Variants in VTCN1 observed in about 807,000 individuals in gnomAD.
VTCN1 encodes the protein V-set domain containing T cell activation inhibitor 1.
Under a neutral mutation model 26.5 loss-of-function variants are expected in VTCN1, and 26 were observed. The ratio of observed to expected loss-of-function variants is 0.98; its 90% CI spans 0.72 to 1.36. VTCN1 has a LOEUF of 1.36. Ranked by LOEUF, VTCN1 falls within the 40% of genes most tolerant of loss-of-function variation. VTCN1 has a pLI of 0.00. For synonymous variants in VTCN1, 116 were observed against 130.7 expected (o/e 0.89, Z 0.77); for missense variants, 298 against 337.7 (o/e 0.88, Z 0.92).
chr1:117,205,177 G>GAGA (rs1206213240), intron 1 of VTCN1, among the ~76,000 whole-genome samples: 5 of 148,006 alleles, frequency 3.4e-5, no homozygotes, highest in South Asian at 2.1e-4. Flanking sequence ...GAGAGAGAGA[G>GAGA]GGGGGTCTCG....
At chr1:117,193,267 T>C (rs1466279474) in intron 1 of VTCN1, among the ~76,000 whole-genome samples, 1 of 152,160 alleles carries the variant, frequency 6.6e-6, no homozygotes, top group Admixed American at 6.5e-5. Flanking sequence ...CAATAACTAC[T>C]TTAAATGTAA....
chr1:117,187,337 GC>G (rs1647998429), intron 1 of VTCN1, among the ~76,000 whole-genome samples: 1 of 138,806 alleles, frequency 7.2e-6, no homozygotes, highest in Non-Finnish European at 1.5e-5. Flanking sequence ...AAAAAAAGGA[GC>G]TTTTTCCTAC....
chr1:117,172,566 G>A (rs1652976652), intron 1 of VTCN1: 1 of 466,190 alleles, frequency 2.1e-6, no homozygotes, highest in South Asian at 1.5e-5. Context: ...ATACTTCATC[G>A]CTCTGAGGCT....
Position 117,146,673 on chromosome 1 carries a change from G to T in VTCN1, c.*45+940C>A, listed in dbSNP as rs766577198. ...AAAGTAATGGTAGTTAGCAGGTAGT[G>T]GTAGGCAGCAGTAGTGGTAGGTAGT... is the stretch of plus-strand genomic sequence containing the variant. On this transcript the variant is annotated intron_variant, in intron 5 of 5. Transcript: ENST00000369458. This position sits in a 1 kb window ranked among gnomAD's most constrained non-coding sequence, Gnocchi z 4.2. Among the ~76,000 whole-genome samples, 1 of 152,184 alleles carries T rather than the reference G, an allele frequency of 6.6e-6. No homozygotes were observed. The highest frequency in any genetic ancestry group is 2.4e-5 in the African/African-American group (1 of 41,452).
Position 117,175,233 on chromosome 1 carries a change from G to A in VTCN1, c.33-5062C>T, listed in dbSNP as rs187181347. On this transcript the variant is annotated intron_variant, in intron 1 of 5. Coordinates refer to ENST00000369458, the MANE Select transcript of VTCN1 (RefSeq NM_024626.4). This position sits in a 1 kb window ranked among gnomAD's most constrained non-coding sequence, Gnocchi z 4.2. Reference sequence around the variant, plus strand: ...AAGGCAGAGCGCTCGAAACCTATGCGACTTTGTAATTAGTCTACTAACAGA... The same window carrying A: ...AAGGCAGAGCGCTCGAAACCTATGCAACTTTGTAATTAGTCTACTAACAGA... 1.6e-3 allele frequency among the ~76,000 whole-genome samples: 241 copies of A among 152,310 alleles called. 1 individual carries two copies. Among genetic ancestry groups the A allele is most frequent in the Non-Finnish European group, 2.6e-3 (175 of 68,022 alleles).
intron 1 of VTCN1, among the ~76,000 whole-genome samples, chr1:117,191,994 C>T (rs1229565826): frequency 6.7e-6 from 1 of 148,870 alleles, no homozygotes; most frequent in African/African-American, 2.5e-5. Context: ...TTGAAAATTT[C>T]CCAATTCTTA....
At position 117,183,905 on chromosome 1, in the gene VTCN1, C is replaced by A. The variant is rs1250589870; in HGVS notation, c.33-13734G>T. 6.6e-6 allele frequency among the ~76,000 whole-genome samples: 1 copy of A among 152,102 alleles called. No homozygotes were observed. Among genetic ancestry groups the A allele is most frequent in the Non-Finnish European group, 1.5e-5 (1 of 68,022 alleles). On this transcript the variant is annotated intron_variant, in intron 1 of 5. Transcript: ENST00000369458. This position sits in a 1 kb window ranked among gnomAD's most constrained non-coding sequence, Gnocchi z 4.1. ...ATGAAACCAGCACATGAGTCCAGAT[C>A]AGTAAGAGAGTGCTGGGCGCAATGG...
At chr1:117,187,326 A>AG (rs1647996116) in intron 1 of VTCN1, among the ~76,000 whole-genome samples, 2 of 151,298 alleles carry the variant, frequency 1.3e-5, no homozygotes, top group South Asian at 4.2e-4. Flanking sequence ...AAAAAAAAAA[A>AG]AAAAAAAGGA....
chr1:117,174,297 A>C (rs1653084010), intron 1 of VTCN1, among the ~76,000 whole-genome samples: 1 of 152,246 alleles, frequency 6.6e-6, no homozygotes, highest in African/African-American at 2.4e-5. Flanking sequence ...TTGCTCATTC[A>C]GTAAACATTT....
intron 1 of VTCN1, among the ~76,000 whole-genome samples, chr1:117,207,939 A>G (rs1235593211): frequency 6.6e-6 from 1 of 152,070 alleles, no homozygotes; most frequent in African/African-American, 2.4e-5. Context: ...TCTGACCACA[A>G]CTGTTTCCCA....
chr1:117,171,060 G>A (rs1267866225), intron 1 of VTCN1, among the ~76,000 whole-genome samples: 2 of 149,700 alleles, frequency 1.3e-5, no homozygotes, highest in African/African-American at 2.5e-5. Context: ...GTATCCATGT[G>A]TTCTCATTGT....
chr1:117,170,886 C>T (rs138808925), intron 1 of VTCN1, among the ~76,000 whole-genome samples: 2,052 of 152,132 alleles, frequency 0.013, 51 homozygotes, highest in African/African-American at 0.048. Context: ...ATGTGCAGAA[C>T]GTGCAGGTTC....
chr1:117,166,697 C>T (rs1254087101), intron 2 of VTCN1, among the ~76,000 whole-genome samples: 2 of 148,972 alleles, frequency 1.3e-5, no homozygotes, highest in East Asian at 2.0e-4. Flanking sequence ...AGAGTTAAGC[C>T]TTAGTGAGGA....
Position 117,204,662 on chromosome 1 carries a change from G to T in VTCN1, c.32+6162C>A, listed in dbSNP as rs181714632. On this transcript the variant is annotated intron_variant, in intron 1 of 5. Transcript: ENST00000369458. ...TGGGTGGATCATGAGGTCAGGAGAT[G>T]GAGACCATCCTGGCTAACACGGTGA... 4.4e-3 allele frequency among the ~76,000 whole-genome samples: 663 copies of T among 151,994 alleles called. 7 individuals are homozygous for T. Among genetic ancestry groups the T allele is most frequent in the African/African-American group, 0.015 (637 of 41,444 alleles).
chr1:117,156,481 A>G, intron 3 of VTCN1, 93 bp downstream of exon 3: 1 of 1,313,514 alleles, frequency 7.6e-7, no homozygotes, highest in South Asian at 1.5e-5. Context: ...TCATTGTCTG[A>G]TATTGGTCAC....
intron 1 of VTCN1, among the ~76,000 whole-genome samples, chr1:117,172,962 C>T (rs958316168): frequency 6.6e-6 from 1 of 152,194 alleles, no homozygotes; most frequent in Non-Finnish European, 1.5e-5. Flanking sequence ...GCAAACTCCT[C>T]CGGTCCCCTT....
At chr1:117,163,068 G>A (rs1451593938) in intron 2 of VTCN1, among the ~76,000 whole-genome samples, 1 of 152,226 alleles carries the variant, frequency 6.6e-6, no homozygotes, top group African/African-American at 2.4e-5. Flanking sequence ...AGGTCGAAAT[G>A]CAAAGCTTAA....
At position 117,175,264 on chromosome 1, in the gene VTCN1, T is replaced by G. The variant is rs1375700102; in HGVS notation, c.33-5093A>C. 2.6e-5 allele frequency among the ~76,000 whole-genome samples: 4 copies of G among 152,138 alleles called. No individual in the cohort carries two copies. In the East Asian group the frequency reaches 5.8e-4, roughly 22 times the overall value. ...GTAATTAGTCTACTAACAGAAACAA[T>G]AACTAGTACCTCGGGAGATAACTTA... On this transcript the variant is annotated intron_variant, in intron 1 of 5. Transcript: ENST00000369458. The surrounding 1 kb of genome is among the most constrained non-coding windows in gnomAD (Gnocchi z 4.2).
chr1:117,152,056 T>C (rs1287971688), intron 4 of VTCN1, among the ~76,000 whole-genome samples: 2 of 152,196 alleles, frequency 1.3e-5, no homozygotes, highest in Admixed American at 6.5e-5. Context: ...AATGAGGTTA[T>C]TTGATTTTTG....
Sources: gnomAD v4.1 joint callset for allele counts (sites outside exome capture counted in the v4.1 genomes callset) on GRCh38, gnomAD v4.1.1 for gene constraint, Gnocchi (gnomAD v3.1) non-coding constraint, MANE v1.5 for transcripts, NCBI Gene and HGNC (gene_info 2026-07-23, HGNC 2026-07-21) for gene names.